FOXD4L4: variants seen among roughly 807,000 people sequenced by gnomAD.
FOXD4L4 encodes forkhead box protein D4-like 4.
FOXD4L4 carries 5 observed loss-of-function variants against 24.1 expected under a neutral mutation model. The observed-to-expected ratio is 0.21, with a 90% CI of 0.11 to 0.44. The LOEUF (loss-of-function observed/expected upper bound fraction) is 0.44, where lower values mean the gene tolerates loss of function less well. FOXD4L4 is among the 20% of genes least tolerant of loss of function. The pLI, the probability that FOXD4L4 is intolerant of heterozygous loss-of-function variation, is 0.99. For missense variants in FOXD4L4, 128 were observed against 617.5 expected (o/e 0.21, Z 8.40); for synonymous variants, 71 against 276.2 (o/e 0.26, Z 7.37).
At chr9:65,737,281 G>A (rs1451966145) in exon 1 of FOXD4L4, 1 of 1,612,396 alleles carries the variant, frequency 6.2e-7, no homozygotes, top group Non-Finnish European at 8.5e-7. Flanking sequence ...GGAGGAGGAG[G>A]CGAGACAGCA....
chr9:65,737,379 C>T, exon 1 of FOXD4L4: 4 of 1,610,102 alleles, frequency 2.5e-6, no homozygotes, highest in Non-Finnish European at 2.5e-6. Flanking sequence ...AGGGCGGCGG[C>T]GGCCCGAGTG....
chr9:65,738,097 C>T, exon 1 of FOXD4L4: 1 of 1,604,418 alleles, frequency 6.2e-7, no homozygotes, highest in Non-Finnish European at 8.5e-7. Context: ...GCGTCGCCAC[C>T]GGGAGGCGGA....
chr9:65,738,015 G>C, exon 1 of FOXD4L4: 1 of 1,605,254 alleles, frequency 6.2e-7, no homozygotes, highest in Admixed American at 1.7e-5. Flanking sequence ...GCGCGGACCT[G>C]GCGACCCCGG....
chr9:65,737,362 C>G, exon 1 of FOXD4L4: 1 of 1,612,168 alleles, frequency 6.2e-7, no homozygotes, highest in South Asian at 1.1e-5. Context: ...TCCCCGAGAG[C>G]ACATCGAGGG....
At chr9:65,738,161 A>G in exon 1 of FOXD4L4, 1 of 1,601,936 alleles carries the variant, frequency 6.2e-7, no homozygotes, top group South Asian at 1.1e-5. Flanking sequence ...GAGCGGGTAC[A>G]GGGGCTGCGC....
exon 1 of FOXD4L4, chr9:65,737,194 C>G (rs2131915378): frequency 6.2e-7 from 1 of 1,612,124 alleles, no homozygotes; most frequent in East Asian, 2.2e-5. Flanking sequence ...GCAGCGCAGC[C>G]TCCGGGACTC....
the FOXD4L4 span, chr9:65,737,468 AG>A: frequency 6.2e-7 from 1 of 1,610,388 alleles, no homozygotes; most frequent in Non-Finnish European, 8.5e-7. Flanking sequence ...CAGCCGGCAA[AG>A]CCCCCCTACT....
At chr9:65,737,302 C>T in the FOXD4L4 span, 1 of 1,612,336 alleles carries the variant, frequency 6.2e-7, no homozygotes, top group South Asian at 1.1e-5. Flanking sequence ...GTTCCTAGAG[C>T]AGTCGCTCCA....
the FOXD4L4 span, chr9:65,738,086 G>A: frequency 1.9e-6 from 3 of 1,604,516 alleles, 1 homozygote; most frequent in Non-Finnish European, 2.5e-6. Flanking sequence ...GCAAGGGTCT[G>A]GCGTCGCCAC....
Position 65,738,021 on chromosome 9 carries a change from C to G in FOXD4L4, c.876C>G (p.Thr292=), listed in dbSNP as rs1271250594. ...AAGCAGAAGGCGCGGACCTGGCGAC[C>G]CCGGCACCCTTCCCGTGCTGCAGCC... The change falls in exon 1 of 1, where the codon ACC becomes ACG. Residue 292 remains threonine, a synonymous_variant. Transcript: ENST00000377413. 5 of 1,605,846 alleles carry G rather than the reference C, an allele frequency of 3.1e-6. 1 individual carries two copies. The highest frequency in any genetic ancestry group is 3.4e-5 in the Admixed American group (2 of 59,602).
At chr9:65,737,951 G>A (rs1167367534) in exon 1 of FOXD4L4, 22 of 1,601,924 alleles carry the variant, frequency 1.4e-5, no homozygotes, top group Non-Finnish European at 1.8e-5. Flanking sequence ...CATCCTCTTC[G>A]CTACCTACTG....
chr9:65,738,043 A>C, exon 1 of FOXD4L4: 1 of 1,607,430 alleles, frequency 6.2e-7, no homozygotes, highest in African/African-American at 1.4e-5. Flanking sequence ...CCCGTGCTGC[A>C]GCCCTCACTT....
the FOXD4L4 span, chr9:65,737,449 G>GA: frequency 1.2e-6 from 2 of 1,610,328 alleles, no homozygotes; most frequent in African/African-American, 2.7e-5. Flanking sequence ...GGCCTCTGAA[G>GA]ATGCCCGGCA....
exon 1 of FOXD4L4, chr9:65,738,009 G>A: frequency 6.2e-7 from 1 of 1,604,948 alleles, no homozygotes; most frequent in South Asian, 1.1e-5. Context: ...CAGAAGGCGC[G>A]GACCTGGCGA....
chr9:65,737,966 C>G, exon 1 of FOXD4L4: 3 of 1,601,010 alleles, frequency 1.9e-6, no homozygotes, highest in Non-Finnish European at 8.5e-7. Context: ...CTACTGCTCT[C>G]GGCCCGCGTC....
At chr9:65,737,838 C>A in exon 1 of FOXD4L4, 2 of 1,607,160 alleles carry the variant, frequency 1.2e-6, no homozygotes, top group South Asian at 1.1e-5. Flanking sequence ...TGCACAACCC[C>A]CACCCAGGCC....
exon 1 of FOXD4L4, chr9:65,737,909 C>G: frequency 1.2e-6 from 2 of 1,602,700 alleles, no homozygotes; most frequent in East Asian, 2.2e-5. Context: ...AACACCGCCC[C>G]CGGGAGACGC....
In FOXD4L4 at chr9:65,738,035, C is replaced by T. The variant is rs1441783332; in HGVS notation, c.890C>T (p.Pro297Leu). The change falls in exon 1 of 1, where the codon CCG (proline) becomes CTG (leucine). Residue 297 changes from proline (P) to leucine (L), a missense_variant. Coordinates refer to ENST00000377413, the Ensembl canonical transcript of FOXD4L4. ...GACCTGGCGACCCCGGCACCCTTCC[C>T]GTGCTGCAGCCCTCACTTGGTCCTC... is the stretch of plus-strand genomic sequence containing the variant. 71 of 1,607,386 alleles carry T rather than the reference C, an allele frequency of 4.4e-5. 3 individuals carry two copies. In the East Asian group the frequency reaches 5.1e-4, roughly 12 times the overall value.
exon 1 of FOXD4L4, chr9:65,737,913 G>T: frequency 6.2e-7 from 1 of 1,602,742 alleles, no homozygotes. Flanking sequence ...CCGCCCCCGG[G>T]AGACGCCCTT....
Sources: gnomAD v4.1 joint callset for allele counts on GRCh38, gnomAD v4.1.1 for gene constraint, MANE v1.5 for transcripts, NCBI Gene and HGNC (gene_info 2026-07-23, HGNC 2026-07-21) for gene names.